The following LY75 variants were observed in gnomAD, a reference collection of about 807,000 sequenced individuals.
LY75 encodes the protein C-type lectin domain family 13 member B.
Under a neutral mutation model 231.7 loss-of-function variants are expected in LY75, and 185 were observed. The observed-to-expected ratio is 0.80, with a 90% confidence interval of 0.71 to 0.90. LY75 has a LOEUF of 0.90. Ranked by LOEUF, LY75 falls within the 40% of genes least tolerant of loss-of-function variation. The pLI, the probability that LY75 is intolerant of heterozygous loss-of-function variation, is 0.00. For synonymous variants in LY75, 668 were observed against 689.0 expected (o/e 0.97, Z 0.48); for missense variants, 1,947 against 2,050.2 (o/e 0.95, Z 0.97).
intron 24 of LY75, among the ~76,000 whole-genome samples, chr2:159,841,531 T>C (rs971270135): frequency 2.0e-5 from 3 of 152,164 alleles, no homozygotes; most frequent in Admixed American, 6.6e-5. Flanking sequence ...TAAAAACACA[T>C]TGTGATCAAT....
chr2:159,810,797 C>A, intron 31 of LY75, 122 bp from the exon 32 acceptor site: 1 of 1,403,754 alleles, frequency 7.1e-7, no homozygotes, highest in Non-Finnish European at 9.5e-7. Flanking sequence ...TTAACTCATA[C>A]CAGAGAAAGC....
At chr2:159,814,919 C>T (rs1207137799) in intron 31 of LY75, among the ~76,000 whole-genome samples, 1 of 151,590 alleles carries the variant, frequency 6.6e-6, no homozygotes, top group African/African-American at 2.4e-5. Flanking sequence ...GGAATAAATT[C>T]CCTGAGTGCT....
intron 23 of LY75, among the ~76,000 whole-genome samples, chr2:159,845,675 G>C (rs991850898): frequency 6.6e-6 from 1 of 151,412 alleles, no homozygotes; most frequent in Non-Finnish European, 1.5e-5. Context: ...GATGATTTAA[G>C]TATACAGGAG....
chr2:159,878,409 T>C lies in LY75; in HGVS notation c.1689A>G (p.Val563=), dbSNP rs1273292087. ...CCCAGTTATACTCTCCACAAGAATC[T>C]ACATCTCTCAGGCCAGTCCAGAAGT... ...RKYFWTGLRD[V]DSCGEYNWAT... Residue 563 remains valine, a synonymous_variant, in exon 11 of 35, where the codon GTA becomes GTG. Coordinates refer to ENST00000263636, the MANE Select transcript of LY75 (RefSeq NM_002349.4). 1 of 1,614,128 alleles carries C rather than the reference T, an allele frequency of 6.2e-7. No individual in the cohort carries two copies. Among genetic ancestry groups the C allele is most frequent in the African/African-American group, 1.3e-5 (1 of 75,046 alleles).
chr2:159,898,930 A>G lies in LY75; in HGVS notation c.224T>C (p.Leu75Pro). Residue 75 changes from leucine (L) to proline (P), a missense_variant, in exon 2 of 35, where the codon CTC (leucine) becomes CCC (proline). Physicochemically the swap from Leu to Pro is moderately conservative, Grantham distance 98. Coordinates refer to ENST00000263636, the MANE Select transcript of LY75 (RefSeq NM_002349.4). Reference protein sequence around the residue: ...KLWKWVSQHRLFHLHSQKCLG... With the variant: ...KLWKWVSQHRPFHLHSQKCLG... ...GCACTTTTGGGAGTGCAAATGAAAGAGCCGATGCTGGGACACCCACTTCCA... is the reference window on the plus strand; with the variant it reads ...GCACTTTTGGGAGTGCAAATGAAAGGGCCGATGCTGGGACACCCACTTCCA... 6.2e-7 allele frequency: 1 copy of G among 1,614,228 alleles called. No homozygotes were observed. Among genetic ancestry groups the G allele is most frequent in the Non-Finnish European group, 8.5e-7 (1 of 1,180,042 alleles).
chr2:159,833,807 C>T (rs553757670), intron 27 of LY75, among the ~76,000 whole-genome samples: 6 of 152,192 alleles, frequency 3.9e-5, no homozygotes, highest in Admixed American at 3.9e-4. Context: ...GTGCTGTTCT[C>T]GTGATAGTAA....
chr2:159,870,965 A>T (rs1248705893), intron 13 of LY75, among the ~76,000 whole-genome samples: 1 of 152,030 alleles, frequency 6.6e-6, no homozygotes, highest in Non-Finnish European at 1.5e-5. Flanking sequence ...AAACATTTAC[A>T]CATTATAGTA....
intron 23 of LY75, among the ~76,000 whole-genome samples, chr2:159,846,737 T>A (rs1337445719): frequency 6.6e-6 from 1 of 152,168 alleles, no homozygotes; most frequent in Non-Finnish European, 1.5e-5. Context: ...CTTAGGAAAG[T>A]ATTTGCAATA....
At chr2:159,866,909 T>C (rs1344485781) in intron 13 of LY75, among the ~76,000 whole-genome samples, 3 of 152,102 alleles carry the variant, frequency 2.0e-5, no homozygotes. Flanking sequence ...AGGCTCCCAC[T>C]GGTAGCCTTT....
intron 9 of LY75, 69 bp from the exon 10 acceptor site, chr2:159,878,790 T>C: frequency 6.6e-7 from 1 of 1,523,492 alleles, no homozygotes; most frequent in Non-Finnish European, 9.0e-7. Context: ...GCAAGCATGT[T>C]TCTGCTACAT....
intron 3 of LY75, 78 bp downstream of exon 3, chr2:159,893,836 C>T: frequency 6.7e-7 from 1 of 1,494,516 alleles, no homozygotes; most frequent in East Asian, 2.4e-5. Flanking sequence ...TTTTGAGTCA[C>T]TTTGAACTCT....
chr2:159,834,451 T>A (rs1683759061), intron 26 of LY75, among the ~76,000 whole-genome samples: 2 of 152,190 alleles, frequency 1.3e-5, no homozygotes, highest in African/African-American at 4.8e-5. Flanking sequence ...AAAAATGAGG[T>A]GCTATTAGGT....
chr2:159,846,114 A>G (rs749221995), intron 23 of LY75, among the ~76,000 whole-genome samples: 1 of 152,102 alleles, frequency 6.6e-6, no homozygotes, highest in Non-Finnish European at 1.5e-5. Context: ...AAGTATATGT[A>G]ATAAATGATG....
At chr2:159,850,791 T>TATATATATATAAAAAA (rs1341394980) in intron 21 of LY75, among the ~76,000 whole-genome samples, 2 of 94,506 alleles carry the variant, frequency 2.1e-5, no homozygotes, top group Non-Finnish European at 2.3e-5. Context: ...TATATATATA[T>TATATATATATAAAAAA]ATATATATTA....
In LY75 at chr2:159,890,322, T is replaced by C; in HGVS notation, c.693A>G (p.Gln231=). The C allele has an allele frequency of 6.2e-7, 1 of 1,613,510 alleles. No homozygotes were observed. Among genetic ancestry groups the C allele is most frequent in the Non-Finnish European group, 8.5e-7 (1 of 1,179,668 alleles). ...EKNEQFGSCY[Q]FNTQTALSWK... is the part of the protein sequence containing the mutation. ...AAGAAAGAGCCGTCTGAGTATTAAA[T>C]TGGTAGCAACTTCCAAACTGCTCGT... is the stretch of plus-strand genomic sequence containing the variant. The change falls in exon 4 of 35, where the codon CAA becomes CAG. Residue 231 remains glutamine, a synonymous_variant. Coordinates refer to ENST00000263636, the MANE Select transcript of LY75 (RefSeq NM_002349.4).
intron 6 of LY75, among the ~76,000 whole-genome samples, chr2:159,884,068 T>C (rs1056830978): frequency 1.3e-5 from 2 of 152,186 alleles, no homozygotes; most frequent in Non-Finnish European, 2.9e-5. Context: ...GTTCTCGTGA[T>C]AGCGAATAAG....
chr2:159,828,077 C>A (rs1683532350), intron 28 of LY75, among the ~76,000 whole-genome samples: 1 of 151,188 alleles, frequency 6.6e-6, no homozygotes, highest in East Asian at 1.9e-4. Flanking sequence ...GCACGTTCTA[C>A]ACATGTACCC....
chr2:159,889,517 C>T lies in LY75; in HGVS notation c.802+696G>A, dbSNP rs897014206. ...TGCTGGCATTGCAGGTGTGAGCCACCGCACCTGGCCAATTCCTCTTTAATG... is the reference window on the plus strand; with the variant it reads ...TGCTGGCATTGCAGGTGTGAGCCACTGCACCTGGCCAATTCCTCTTTAATG... On this transcript the variant is annotated intron_variant, in intron 4 of 34. Coordinates refer to ENST00000263636, the MANE Select transcript of LY75 (RefSeq NM_002349.4). Among the ~76,000 whole-genome samples the T allele has an allele frequency of 2.6e-5, 4 of 152,208 alleles. No homozygotes were observed. The South Asian group carries it at 6.2e-4, about 24-fold the overall frequency.
intron 28 of LY75, among the ~76,000 whole-genome samples, chr2:159,825,599 C>T (rs1358842039): frequency 1.3e-5 from 2 of 152,210 alleles, no homozygotes; most frequent in Non-Finnish European, 2.9e-5. Flanking sequence ...TCCTCCTTCA[C>T]TCATTTTATG....
Sources: allele counts gnomAD v4.1 joint callset (sites outside exome capture counted in the v4.1 genomes callset), GRCh38; gene constraint gnomAD v4.1.1; transcripts MANE v1.5; gene names NCBI Gene and HGNC (gene_info 2026-07-23, HGNC 2026-07-21).